Variants in ADGRG1 observed in about 807,000 individuals in gnomAD.
ADGRG1 encodes the protein 7-transmembrane protein with no EGF-like N-terminal domains-1.
A neutral mutation model predicts 73.5 loss-of-function variants in ADGRG1; 53 were observed. That is an observed-to-expected ratio of 0.72 (90% CI 0.58 to 0.91). ADGRG1 has a LOEUF of 0.91. ADGRG1 is among the 40% of genes least tolerant of loss of function. The pLI, the probability that ADGRG1 is intolerant of heterozygous loss-of-function variation, is 0.00. For synonymous variants in ADGRG1, 394 were observed against 374.4 expected, an observed-to-expected ratio of 1.05 and a Z score of -0.60; for missense variants, 795 against 871.8, an observed-to-expected ratio of 0.91 and a Z score of 1.11.
At chr16:57,625,778 A>G (rs1215958881), upstream of ADGRG1, 2 of 422,576 alleles carry the variant, frequency 4.7e-6, no homozygotes, top group Non-Finnish European at 6.3e-6. Flanking sequence ...TTAAGCCCAA[A>G]CTCTACACTT....
chr16:57,654,847 T>G (rs796623456), intron 5 of ADGRG1, among the ~76,000 whole-genome samples: 2 of 152,282 alleles, frequency 1.3e-5, no homozygotes, highest in African/African-American at 4.8e-5. Flanking sequence ...GCCACTACAC[T>G]CCAGCCTGGG....
At chr16:57,660,939 GCCCGGGC>G (rs2148581072) in intron 12 of ADGRG1, 63 bp downstream of exon 12, 1 of 995,964 alleles carries the variant, frequency 1.0e-6, no homozygotes, top group East Asian at 2.5e-5. Context: ...CCAGAGTGCA[GCCCGGGC>G]CCAGGTCATG....
intron 1 of ADGRG1, chr16:57,647,729 G>T: frequency 1.1e-6 from 1 of 947,684 alleles, no homozygotes; most frequent in Non-Finnish European, 1.3e-6. Context: ...ATGGAGCCAG[G>T]GCTGTCCACC....
Position 57,651,620 on chromosome 16 carries a change from A to G in ADGRG1, c.485A>G (p.His162Arg), listed in dbSNP as rs376287842. ...PSAASFTFSF[H>R]SPPHTAAHNA... Reference sequence around the variant, plus strand: ...GCCGCCAGCTTCACCTTCTCCTTCCACAGTAAGGCAACTTCCAGGCGGAGG... The same window carrying G: ...GCCGCCAGCTTCACCTTCTCCTTCCGCAGTAAGGCAACTTCCAGGCGGAGG... The change falls in exon 3 of 14, where the codon CAC (histidine) becomes CGC (arginine). Residue 162 changes from histidine to arginine, a missense_variant and splice_region_variant. His to Arg is a conservative substitution (Grantham distance 29). Coordinates refer to ENST00000562631, the MANE Select transcript of ADGRG1 (RefSeq NM_201525.4). 1.2e-6 allele frequency: 2 copies of G among 1,613,340 alleles called. No homozygotes were observed. The highest frequency in any genetic ancestry group is 1.7e-6 in the Non-Finnish European group (2 of 1,179,884).
intron 1 of ADGRG1, chr16:57,636,515 G>T (rs2039408675): frequency 1.0e-6 from 1 of 985,198 alleles, no homozygotes; most frequent in South Asian, 4.7e-5. Context: ...CCTGTTAGAT[G>T]CTGGAGAGTG....
intron 5 of ADGRG1, chr16:57,654,967 G>A: frequency 4.2e-6 from 3 of 712,904 alleles, no homozygotes; most frequent in East Asian, 1.4e-4. Flanking sequence ...CAGTCCTCTC[G>A]CCCTGGCCTC....
chr16:57,630,292 G>T (rs12149018), intron 1 of ADGRG1: 3 of 869,646 alleles, frequency 3.4e-6, no homozygotes, highest in Non-Finnish European at 2.8e-6. Flanking sequence ...GCTCCCCAGA[G>T]CCCAGGCAGG....
chr16:57,629,348 C>G (rs1406212406), intron 1 of ADGRG1: 1 of 165,046 alleles, frequency 6.1e-6, no homozygotes, highest in Non-Finnish European at 1.3e-5. Flanking sequence ...CAGAGTGGTA[C>G]AGTCACTGGG....
At chr16:57,634,732 C>G (rs60508840) in intron 1 of ADGRG1, among the ~76,000 whole-genome samples, 1 of 152,202 alleles carries the variant, frequency 6.6e-6, no homozygotes, top group Non-Finnish European at 1.5e-5. Flanking sequence ...ACTTTGGCAT[C>G]GCATGGGGCT....
chr16:57,632,418 T>A (rs2038207366), intron 1 of ADGRG1: 18 of 704,490 alleles, frequency 2.6e-5, no homozygotes, highest in Non-Finnish European at 3.1e-5. Flanking sequence ...CTTCAGAGGC[T>A]ATTATGAGCA....
In ADGRG1 at chr16:57,655,012, A is replaced by G. The variant is rs1316365169; in HGVS notation, c.769-387A>G. On this transcript the variant is annotated intron_variant, in intron 5 of 13. Transcript: ENST00000562631. ...TGGGATTACAGGCGTGAGCCACTGC[A>G]CCCAGCCACACACCCCATCTTGAGA... The G allele has an allele frequency of 1.0e-5, 10 of 974,720 alleles. No homozygotes were observed. The African/African-American group carries it at 1.6e-4, about 15-fold the overall frequency. 60.4% of individuals were successfully genotyped at this position (974,720 alleles called of 1,614,324 possible).
chr16:57,641,660 G>T, intron 1 of ADGRG1: 2 of 551,078 alleles, frequency 3.6e-6, no homozygotes, highest in Non-Finnish European at 4.6e-6. Flanking sequence ...CCACCTCCCG[G>T]GTTCAAGTGA....
intron 1 of ADGRG1, chr16:57,645,324 T>C: frequency 7.1e-6 from 7 of 985,336 alleles, no homozygotes; most frequent in Non-Finnish European, 8.4e-6. Context: ...AACCTGGAGA[T>C]TGCCTCCGGG....
intron 1 of ADGRG1, among the ~76,000 whole-genome samples, chr16:57,645,778 G>A (rs994053739): frequency 1.3e-5 from 2 of 152,226 alleles, no homozygotes; most frequent in Non-Finnish European, 2.9e-5. Flanking sequence ...TGACCCACCG[G>A]CAGGCTTGGG....
chr16:57,652,108 C>A (rs543684722), intron 3 of ADGRG1: 6 of 1,044,412 alleles, frequency 5.7e-6, no homozygotes, highest in African/African-American at 1.7e-5. Context: ...AGGATTTGAA[C>A]CCAGCAGCTG....
intron 7 of ADGRG1, 56 bp from the exon 8 acceptor site, chr16:57,656,170 A>C: frequency 6.2e-7 from 1 of 1,613,222 alleles, no homozygotes. Flanking sequence ...CTGGCCTGTA[A>C]AGTTGGAGGG....
Position 57,663,881 on chromosome 16 carries a change from T to G in ADGRG1, c.*299T>G. On this transcript the variant is annotated 3_prime_UTR_variant, in exon 14 of 14. Transcript: ENST00000562631. ...CCCAGCTGGAGGCCTGGTCTCTCCT[T>G]ACAACCCCTGGGCCCAGCCCTCATT... 1 of 493,500 alleles carries G rather than the reference T, an allele frequency of 2.0e-6. No homozygotes were observed. 30.6% of individuals were successfully genotyped at this position (493,500 alleles called of 1,614,324 possible).
chr16:57,634,243 C>T, intron 1 of ADGRG1: 1 of 985,432 alleles, frequency 1.0e-6, no homozygotes, highest in Non-Finnish European at 1.2e-6. Context: ...GGCTGGCACC[C>T]TGGGTCTCGG....
intron 12 of ADGRG1, 157 bp from the exon 13 acceptor site, chr16:57,661,540 C>T: frequency 1.0e-6 from 1 of 984,378 alleles, no homozygotes; most frequent in Non-Finnish European, 1.2e-6. Context: ...GACTTGTTAA[C>T]TCAAATGTAT....
Sources: allele counts gnomAD v4.1 joint callset (sites outside exome capture counted in the v4.1 genomes callset), GRCh38; gene constraint gnomAD v4.1.1; transcripts MANE v1.5; gene names NCBI Gene and HGNC (gene_info 2026-07-23, HGNC 2026-07-21).